PIP4K2A: variants seen among roughly 807,000 people sequenced by gnomAD.
PIP4K2A encodes the protein phosphatidylinositol 5-phosphate 4-kinase type-2 alpha.
In PIP4K2A, 14 loss-of-function variants were observed where a neutral mutation model predicts 42.9. The ratio of observed to expected loss-of-function variants is 0.33; its 90% CI spans 0.22 to 0.51. The LOEUF (loss-of-function observed/expected upper bound fraction) is 0.51. PIP4K2A is among the 20% of genes least tolerant of loss of function. The probability of loss-of-function intolerance (pLI) is 0.97; values close to 1 mark genes in which losing one functional copy is unlikely to be tolerated. For missense variants in PIP4K2A, 434 were observed against 519.8 expected (o/e 0.83, Z 1.61); for synonymous variants, 192 against 192.2 (o/e 1.00, Z 0.01).
chr10:22,600,728 A>G (rs1345708150), intron 3 of PIP4K2A, among the ~76,000 whole-genome samples: 1 of 152,144 alleles, frequency 6.6e-6, no homozygotes, highest in Non-Finnish European at 1.5e-5. Context: ...TGCAGTTGAC[A>G]TATCTGAGCG....
At chr10:22,668,980 CT>C (rs1564461837) in intron 1 of PIP4K2A, among the ~76,000 whole-genome samples, 1 of 152,082 alleles carries the variant, frequency 6.6e-6, no homozygotes, top group Non-Finnish European at 1.5e-5. Context: ...TAAAACACTC[CT>C]GGTTTTAATA....
chr10:22,695,558 A>G (rs1033104724), intron 1 of PIP4K2A, among the ~76,000 whole-genome samples: 1 of 152,204 alleles, frequency 6.6e-6, no homozygotes, highest in African/African-American at 2.4e-5. Context: ...TATGAAGAGA[A>G]TATTTTATTT....
At chr10:22,541,339 A>C (rs1330069222) in intron 8 of PIP4K2A, among the ~76,000 whole-genome samples, 1 of 152,250 alleles carries the variant, frequency 6.6e-6, no homozygotes, top group Non-Finnish European at 1.5e-5. Context: ...GCTAAGGGTC[A>C]CAGAGGATCA....
intron 1 of PIP4K2A, among the ~76,000 whole-genome samples, chr10:22,649,199 A>C (rs1312336432): frequency 6.6e-6 from 1 of 152,254 alleles, no homozygotes; most frequent in Non-Finnish European, 1.5e-5. Flanking sequence ...TCCATCATAC[A>C]TTTATTCACC....
chr10:22,700,433 G>A (rs921545896), intron 1 of PIP4K2A, among the ~76,000 whole-genome samples: 10 of 152,204 alleles, frequency 6.6e-5, no homozygotes, highest in South Asian at 2.1e-4. Context: ...CCACCTGAAC[G>A]CTCCTCCAAA....
intron 6 of PIP4K2A, among the ~76,000 whole-genome samples, chr10:22,561,518 G>C (rs1210483398): frequency 1.4e-5 from 2 of 143,532 alleles, no homozygotes; most frequent in Non-Finnish European, 3.0e-5. Flanking sequence ...GGAAGAATAA[G>C]AATTGAGATT....
rs1172659283 is a variant in PIP4K2A, at chr10:22,664,226, TATAC to T, written c.144+49953_144+49956del. 4.6e-4 allele frequency among the ~76,000 whole-genome samples: 25 copies of T among 54,420 alleles called. 2 individuals are homozygous for T. The highest frequency in any genetic ancestry group is 1.4e-3 in the African/African-American group (18 of 12,996). The allele number at this position is 54,420 out of a possible 152,430, so 35.7% of individuals were successfully genotyped here. On this transcript the variant is annotated intron_variant, in intron 1 of 9. Transcript: ENST00000376573. ...ATACATATATATATATACATATATA[TATAC>T]ACACACACACACACACACACATATA...
chr10:22,630,055 G>A (rs1838517471), intron 1 of PIP4K2A, among the ~76,000 whole-genome samples: 1 of 152,074 alleles, frequency 6.6e-6, no homozygotes, highest in Admixed American at 6.6e-5. Context: ...GCACACCCAA[G>A]GCCAGGCGCA....
At chr10:22,557,905 A>C (rs1336671451) in intron 6 of PIP4K2A, among the ~76,000 whole-genome samples, 5 of 152,240 alleles carry the variant, frequency 3.3e-5, no homozygotes, top group Admixed American at 6.5e-5. Flanking sequence ...GGGAAGAAGA[A>C]ATGCACCCAG....
At chr10:22,713,542 C>T (rs1323793361) in intron 1 of PIP4K2A, among the ~76,000 whole-genome samples, 1 of 152,228 alleles carries the variant, frequency 6.6e-6, no homozygotes, top group Non-Finnish European at 1.5e-5. Context: ...TGCCGCCCGA[C>T]GCCAGAGCCA....
intron 1 of PIP4K2A, among the ~76,000 whole-genome samples, chr10:22,635,198 C>A (rs1485955781): frequency 6.6e-6 from 1 of 152,044 alleles, no homozygotes; most frequent in Non-Finnish European, 1.5e-5. Flanking sequence ...TGCCAAAACC[C>A]ACAGAATGTA....
chr10:22,618,090 A>T (rs1391412026), intron 1 of PIP4K2A, among the ~76,000 whole-genome samples: 1 of 152,128 alleles, frequency 6.6e-6, no homozygotes, highest in Non-Finnish European at 1.5e-5. Flanking sequence ...GATTCCCTAG[A>T]CTCTGCAAGT....
intron 1 of PIP4K2A, among the ~76,000 whole-genome samples, chr10:22,626,258 A>T (rs1354711517): frequency 7.5e-6 from 1 of 133,466 alleles, no homozygotes; most frequent in East Asian, 1.9e-4. Flanking sequence ...TATTCTGCTT[A>T]AAAAAAAAGA....
Position 22,591,787 on chromosome 10 carries a change from C to A in PIP4K2A, c.340-6G>T, listed in dbSNP as rs1215790924. 1.2e-6 allele frequency: 2 copies of A among 1,604,094 alleles called. No homozygotes were observed. Among genetic ancestry groups the A allele is most frequent in the Non-Finnish European group, 1.7e-6 (2 of 1,174,628 alleles). On this transcript the variant is annotated splice_polypyrimidine_tract_variant and splice_region_variant and intron_variant, in intron 3 of 9. Coordinates refer to ENST00000376573, the MANE Select transcript of PIP4K2A (RefSeq NM_005028.5). ...GCGCTCCTGGTCAGGGAATTCTTCCCGGGTGGGGTAAGAGGGGAAGGAAGG... is the reference window on the plus strand; with the variant it reads ...GCGCTCCTGGTCAGGGAATTCTTCCAGGGTGGGGTAAGAGGGGAAGGAAGG...
intron 1 of PIP4K2A, among the ~76,000 whole-genome samples, chr10:22,695,860 T>C (rs1193222294): frequency 2.0e-5 from 3 of 152,192 alleles, no homozygotes; most frequent in African/African-American, 7.2e-5. Flanking sequence ...TTTCCTTTAA[T>C]ATTTTCGACC....
rs78211942 is a variant in PIP4K2A, at chr10:22,638,522, A to G, written c.145-28805T>C. On this transcript the variant is annotated intron_variant, in intron 1 of 9. Transcript: ENST00000376573. Reference sequence around the variant, plus strand: ...AAATACGTAACCAAAAGGAAAGAGCAGGAAGAGTACAACAGAACTACTCAT... The same window carrying G: ...AAATACGTAACCAAAAGGAAAGAGCGGGAAGAGTACAACAGAACTACTCAT... Among the ~76,000 whole-genome samples the G allele has an allele frequency of 5.7e-3, 870 of 152,370 alleles. 5 individuals are homozygous for G. The highest frequency in any genetic ancestry group is 0.02 in the African/African-American group (818 of 41,600).
intron 4 of PIP4K2A, among the ~76,000 whole-genome samples, chr10:22,591,077 G>C (rs72816840): frequency 0.013 from 1,930 of 152,316 alleles, 25 homozygotes; most frequent in Middle Eastern, 0.065. Context: ...CTGCTCCCAA[G>C]GATGGTCTAC....
intron 1 of PIP4K2A, among the ~76,000 whole-genome samples, chr10:22,615,250 C>T (rs145194564): frequency 1.5e-3 from 227 of 152,252 alleles, no homozygotes; most frequent in African/African-American, 5.1e-3. Context: ...GGACTACAGG[C>T]GCACACCACC....
intron 1 of PIP4K2A, among the ~76,000 whole-genome samples, chr10:22,678,228 G>A (rs1003204191): frequency 6.6e-6 from 1 of 151,118 alleles, no homozygotes; most frequent in Non-Finnish European, 1.5e-5. Context: ...AGATACCAGG[G>A]ACCAGAGCAG....
Sources: gnomAD v4.1 joint callset for allele counts (sites outside exome capture counted in the v4.1 genomes callset) on GRCh38, gnomAD v4.1.1 for gene constraint, MANE v1.5 for transcripts, NCBI Gene and HGNC (gene_info 2026-07-23, HGNC 2026-07-21) for gene names.